ANKRD26: variants seen among roughly 807,000 people sequenced by gnomAD.
ANKRD26 encodes the protein ankyrin repeat domain 26, also known as ankyrin repeat domain-containing protein 26.
Under a neutral mutation model 208.7 loss-of-function variants are expected in ANKRD26, and 141 were observed. The observed-to-expected ratio is 0.68, with a 90% confidence interval of 0.59 to 0.78. The LOEUF is 0.78. Ranked by LOEUF, ANKRD26 falls within the 30% of genes least tolerant of loss-of-function variation. ANKRD26 has a pLI of 0.00. For missense variants in ANKRD26, 1,889 were observed against 1,938.7 expected (o/e 0.97, Z 0.48); for synonymous variants, 636 against 660.4 (o/e 0.96, Z 0.57).
chr10:27,057,102 T>G (rs2054865353), intron 15 of ANKRD26, among the ~76,000 whole-genome samples: 1 of 152,120 alleles, frequency 6.6e-6, no homozygotes, highest in African/African-American at 2.4e-5. Context: ...ACTAGTAGAG[T>G]CCCAATCTGA....
the ANKRD26 span, among the ~76,000 whole-genome samples, chr10:26,958,185 T>C: frequency 6.6e-6 from 1 of 151,876 alleles, no homozygotes; most frequent in South Asian, 2.1e-4. Context: ...TGGGTTCAAG[T>C]GATTCTCCTG....
rs551804350 is a variant in ANKRD26 at position 27,051,945 on chromosome 10, C to T, written c.1635+1375G>A. ...TAAGTTATTTTTCCACTCTAATTTG[C>T]CTTGTTTGGTCCACATTTCTTCATC... is the stretch of plus-strand genomic sequence containing the variant. On this transcript the variant is annotated intron_variant, in intron 16 of 33. Transcript: ENST00000376087. 6.2e-5 allele frequency: 61 copies of T among 985,298 alleles called. No homozygotes were observed. The African/African-American group carries it at 1.0e-3, about 16-fold the overall frequency. The allele number at this position is 985,298 out of a possible 1,614,324, so 61.0% of individuals were successfully genotyped here.
chr10:27,096,158 T>C (rs1290635265), intron 1 of ANKRD26, among the ~76,000 whole-genome samples: 2 of 152,196 alleles, frequency 1.3e-5, no homozygotes, highest in African/African-American at 4.8e-5. Context: ...AATACCTGCT[T>C]CCAGAAGTGC....
chr10:26,956,658 C>T, the ANKRD26 span, among the ~76,000 whole-genome samples: 1 of 151,642 alleles, frequency 6.6e-6, no homozygotes. Context: ...TGAAAGAAGA[C>T]TTAGGTTTGT....
downstream of ANKRD26, among the ~76,000 whole-genome samples, chr10:27,003,104 C>T (rs1218112243): frequency 2.0e-5 from 3 of 152,270 alleles, no homozygotes; most frequent in African/African-American, 7.2e-5. Flanking sequence ...TGTCATTTCA[C>T]TTACAGTCAG....
chr10:27,094,018 G>C (rs2056386813), intron 1 of ANKRD26, among the ~76,000 whole-genome samples: 1 of 152,134 alleles, frequency 6.6e-6, no homozygotes, highest in Non-Finnish European at 1.5e-5. Flanking sequence ...TGAATCACGA[G>C]GATGGTTCCC....
downstream of ANKRD26, among the ~76,000 whole-genome samples, chr10:26,973,649 C>CTTTTTTTTTTTTTT (rs71386903): frequency 9.0e-5 from 8 of 88,436 alleles, no homozygotes; most frequent in Admixed American, 1.7e-4. Flanking sequence ...TTTATTTGTC[C>CTTTTTTTTTTTTTT]TTTTTTTTTT....
the ANKRD26 span, among the ~76,000 whole-genome samples, chr10:26,960,384 C>T: frequency 1.3e-5 from 2 of 152,144 alleles, no homozygotes; most frequent in Non-Finnish European, 2.9e-5. Context: ...AAATAGACGG[C>T]CCCAGCTGAG....
intron 14 of ANKRD26, 27 bp from the exon 15 acceptor site, chr10:27,060,444 TAATA>T: frequency 6.3e-7 from 1 of 1,579,126 alleles, no homozygotes; most frequent in Non-Finnish European, 8.7e-7. Context: ...ACAAAATGAT[TAATA>T]AATAATGTAT....
At chr10:26,948,619 TTCAGTAGGTTTAA>T in the ANKRD26 span, among the ~76,000 whole-genome samples, 1 of 152,206 alleles carries the variant, frequency 6.6e-6, no homozygotes, top group East Asian at 1.9e-4. Flanking sequence ...TTTTGTTCTA[TTCAGTAGGTTTAA>T]TGGAATAATA....
chr10:27,061,169 A>G lies in ANKRD26; in HGVS notation c.1437T>C (p.Asn479=). The change falls in exon 13 of 34, where the codon AAT becomes AAC. Residue 479 remains asparagine, a synonymous_variant. Coordinates refer to ENST00000376087, the MANE Select transcript of ANKRD26 (RefSeq NM_014915.3). ...CCATGTGGGCTACTGGCATGCCTAC[A>G]TTTCTTGTATCCTCTAGTTTAGCCA... The part of the protein sequence containing the change: ...FKMAKLEDTR[N]VGMPVAHMES... 1 of 1,612,408 alleles carries G rather than the reference A, an allele frequency of 6.2e-7. No individual in the cohort carries two copies. Among genetic ancestry groups the G allele is most frequent in the South Asian group, 1.1e-5 (1 of 91,046 alleles).
chr10:27,024,956 G>A (rs1322011601), intron 27 of ANKRD26, among the ~76,000 whole-genome samples: 1 of 152,030 alleles, frequency 6.6e-6, no homozygotes, highest in Non-Finnish European at 1.5e-5. Flanking sequence ...CTTTCATCTG[G>A]TTCCCGTTAC....
In ANKRD26 at chr10:27,077,675, A is replaced by G. The variant is rs376289132; in HGVS notation, c.832T>C (p.Leu278=). ...FDTKNVPKPS[L]AKLMTASQQS... is the part of the protein sequence containing the mutation. ...TGAGAAGCAGTCATTAGCTTTGCTAAGCTTGGTTTTGGGACATTCTAGAAA... is the reference window on the plus strand; with the variant it reads ...TGAGAAGCAGTCATTAGCTTTGCTAGGCTTGGTTTTGGGACATTCTAGAAA... Residue 278 remains leucine, a synonymous_variant, in exon 8 of 34, where the codon TTA becomes CTA. Transcript: ENST00000376087. 17 of 1,612,862 alleles carry G rather than the reference A, an allele frequency of 1.1e-5. No individual in the cohort carries two copies. In the African/African-American group the frequency reaches 2.3e-4, roughly 22 times the overall value.
the ANKRD26 span, among the ~76,000 whole-genome samples, chr10:26,958,478 G>T: frequency 6.6e-6 from 1 of 151,972 alleles, no homozygotes; most frequent in Non-Finnish European, 1.5e-5. Flanking sequence ...AGTGTGTGTT[G>T]TTCCCCCCAG....
intron 5 of ANKRD26, among the ~76,000 whole-genome samples, chr10:27,084,589 C>G (rs933095436): frequency 1.3e-5 from 2 of 152,100 alleles, no homozygotes; most frequent in Non-Finnish European, 2.9e-5. Flanking sequence ...CATTTCTGGC[C>G]AGGTGCGGTG....
At chr10:27,016,427 C>A (rs2053294433) in intron 30 of ANKRD26, among the ~76,000 whole-genome samples, 2 of 152,170 alleles carry the variant, frequency 1.3e-5, no homozygotes, top group South Asian at 4.1e-4. Context: ...CATGTGCCAC[C>A]ACGCCTGGCT....
At chr10:27,019,666 T>TA (rs1418025463) in intron 29 of ANKRD26, among the ~76,000 whole-genome samples, 1 of 152,244 alleles carries the variant, frequency 6.6e-6, no homozygotes, top group Non-Finnish European at 1.5e-5. Context: ...CAATAGCTCT[T>TA]ACGTCTTTCT....
At chr10:26,977,560 C>T (rs1411459113) in intron 5 of ANKRD26, among the ~76,000 whole-genome samples, 1 of 151,598 alleles carries the variant, frequency 6.6e-6, no homozygotes, top group East Asian at 1.9e-4. Flanking sequence ...TAAAAATATG[C>T]ATTTTGCACA....
chr10:27,033,129 C>A, intron 25 of ANKRD26, 96 bp downstream of exon 25: 30 of 779,784 alleles, frequency 3.8e-5, no homozygotes, highest in South Asian at 6.0e-5. Context: ...ATAATGAAAA[C>A]ACAAAAGAAG....
Sources: gnomAD v4.1 joint callset for allele counts (sites outside exome capture counted in the v4.1 genomes callset) on GRCh38, gnomAD v4.1.1 for gene constraint, MANE v1.5 for transcripts, NCBI Gene and HGNC (gene_info 2026-07-23, HGNC 2026-07-21) for gene names.